Variants in HNRNPL observed in about 807,000 individuals in gnomAD.
The protein encoded by HNRNPL is heterogeneous nuclear ribonucleoprotein L.
HNRNPL carries 12 observed loss-of-function variants against 64.0 expected under a neutral mutation model. The observed-to-expected ratio is 0.19, with a 90% CI of 0.12 to 0.30. The LOEUF is 0.30. HNRNPL is among the 10% of genes least tolerant of loss of function. The pLI is 1.00. For synonymous variants in HNRNPL, 385 were observed against 313.0 expected (o/e 1.23, Z -2.43); for missense variants, 484 against 797.4 (o/e 0.61, Z 4.73).
intron 8 of HNRNPL, chr19:38,839,803 C>T: frequency 3.0e-6 from 1 of 337,908 alleles, no homozygotes; most frequent in South Asian, 3.8e-5. Flanking sequence ...GATGGTGTTT[C>T]ACTATAATGG....
chr19:38,837,188 G>A (rs949037651), intron 12 of HNRNPL, 196 bp downstream of exon 12: 9 of 596,702 alleles, frequency 1.5e-5, no homozygotes, highest in African/African-American at 1.5e-4. Flanking sequence ...AGAGTGAGTG[G>A]CAGCAGGCAG....
At chr19:38,837,334 C>G (rs775235387) in intron 12 of HNRNPL, 50 bp downstream of exon 12, 1 of 1,470,714 alleles carries the variant, frequency 6.8e-7, no homozygotes, top group African/African-American at 1.4e-5. Context: ...TGAAGCCAGC[C>G]AACCCATTAG....
At chr19:38,843,324 T>C (rs1972176075) in intron 6 of HNRNPL, 1 of 159,094 alleles carries the variant, frequency 6.3e-6, no homozygotes, top group African/African-American at 2.4e-5. Flanking sequence ...CTACAAATGA[T>C]GTGAGGCATG....
Position 38,837,497 on chromosome 19 carries a change from G to A in HNRNPL, c.1616-18C>T, listed in dbSNP as rs1971967788. On this transcript the variant is annotated intron_variant, in intron 11 of 12. Transcript: ENST00000221419. Reference sequence around the variant, plus strand: ...GCGCTCACCTGATTGCAAACCAAGGGGAAAAGTAAAGGTTTTAGACTCACC... The same window carrying A: ...GCGCTCACCTGATTGCAAACCAAGGAGAAAAGTAAAGGTTTTAGACTCACC... 3 of 1,613,790 alleles carry A rather than the reference G, an allele frequency of 1.9e-6. No homozygotes were observed. Among genetic ancestry groups the A allele is most frequent in the Non-Finnish European group, 2.5e-6 (3 of 1,179,766 alleles).
chr19:38,836,911 G>A (rs116038173), intron 12 of HNRNPL, 131 bp from the exon 13 acceptor site: 246 of 629,394 alleles, frequency 3.9e-4, no homozygotes, highest in African/African-American at 3.7e-3. Flanking sequence ...ACTGCCCAAC[G>A]TGAGGCTTCA....
intron 3 of HNRNPL, 44 bp from the exon 4 acceptor site, chr19:38,845,779 C>G: frequency 1.9e-6 from 3 of 1,599,286 alleles, no homozygotes; most frequent in Non-Finnish European, 2.6e-6. Context: ...ACTGGCAGAT[C>G]AGTCTGGCTT....
intron 10 of HNRNPL, among the ~76,000 whole-genome samples, 157 bp from the exon 11 acceptor site, chr19:38,837,808 A>G (rs1412052753): frequency 1.3e-5 from 2 of 152,252 alleles, no homozygotes; most frequent in Non-Finnish European, 2.9e-5. Flanking sequence ...TGTGTCATAA[A>G]AAGGCCAGCA....
chr19:38,839,946 C>T (rs1972054446), intron 8 of HNRNPL, 150 bp downstream of exon 8: 11 of 688,038 alleles, frequency 1.6e-5, no homozygotes, highest in Middle Eastern at 3.1e-4. Context: ...AAACAAAACC[C>T]GTCTGCAAGC....
At chr19:38,848,550 CCT>C (rs558810552) in intron 1 of HNRNPL, among the ~76,000 whole-genome samples, 183 of 152,306 alleles carry the variant, frequency 1.2e-3, no homozygotes, top group African/African-American at 4.1e-3. Context: ...GGGCCGGCCC[CCT>C]GTCTGAGAAT....
intron 12 of HNRNPL, 51 bp downstream of exon 12, chr19:38,837,333 C>A (rs1334145004): frequency 2.0e-6 from 3 of 1,464,072 alleles, no homozygotes; most frequent in Non-Finnish European, 2.9e-6. Flanking sequence ...CTGAAGCCAG[C>A]CAACCCATTA....
intron 10 of HNRNPL, 124 bp downstream of exon 10, chr19:38,838,273 C>T (rs1390941934): frequency 5.4e-6 from 4 of 735,176 alleles, no homozygotes; most frequent in East Asian, 5.4e-5. Context: ...GTGTCCCTAG[C>T]ACTCAACCCA....
At position 38,849,913 on chromosome 19, in the gene HNRNPL, C is replaced by T. The variant is rs764490784; in HGVS notation, c.54G>A (p.Gln18=). Reference sequence around the variant, plus strand: ...TCCGCTGCTCGTCCGGCTGCTGCCTCTGCTCCAGCCGCCGACGCCGCTTCT... The same window carrying T: ...TCCGCTGCTCGTCCGGCTGCTGCCTTTGCTCCAGCCGCCGACGCCGCTTCT... ...RAEKRRRRLE[Q]RQQPDEQRRR... Residue 18 remains glutamine (Q), a synonymous_variant, in exon 1 of 13, where the codon CAG becomes CAA. Transcript: ENST00000221419. 53 of 1,307,952 alleles carry T rather than the reference C, an allele frequency of 4.1e-5. No homozygotes were observed. The highest frequency in any genetic ancestry group is 5.4e-5 in the Non-Finnish European group (51 of 951,388). 81.0% of individuals were successfully genotyped at this position (1,307,952 alleles called of 1,614,324 possible). A position where few individuals can be genotyped will look rare whatever the true frequency, so the allele number is the denominator to read the frequency against.
At chr19:38,845,365 C>T in intron 4 of HNRNPL, 1 of 371,914 alleles carries the variant, frequency 2.7e-6, no homozygotes, top group Non-Finnish European at 5.0e-6. Context: ...GGGCTAAACT[C>T]CATCTCAATA....
chr19:38,845,831 A>C (rs1164138908), intron 3 of HNRNPL, 22 bp downstream of exon 3: 1 of 1,608,096 alleles, frequency 6.2e-7, no homozygotes, highest in Admixed American at 1.7e-5. Context: ...AGACCTCACA[A>C]GAAATGCCTG....
Position 38,838,574 on chromosome 19 carries a change from C to A in HNRNPL, c.1380G>T (p.Met460Ile), listed in dbSNP as rs761324026. 13 of 1,613,984 alleles carry A rather than the reference C, an allele frequency of 8.1e-6. No individual in the cohort carries two copies. The highest frequency in any genetic ancestry group is 1.1e-5 in the Non-Finnish European group (13 of 1,179,988). Residue 460 changes from methionine (M) to isoleucine (I), a missense_variant, in exon 10 of 13, where the codon ATG (methionine) becomes ATT (isoleucine). Met to Ile is a conservative substitution (Grantham distance 10). Around this residue, in one of 9 missense-constraint regions of HNRNPL, gnomAD observed 53 missense variants for 131.3 expected, o/e 0.40. Transcript: ENST00000221419. ...CTTCCAACCCGTATGACTGACCAGG[C>A]ATGATGGCTGGCTGCTTGGAGACAC... ...NVCVSKQPAI[M>I]PGQSYGLEDG... is the part of the protein sequence containing the mutation.
At chr19:38,838,696 T>C (rs1403359653) in intron 9 of HNRNPL, 98 bp from the exon 10 acceptor site, 7 of 1,366,812 alleles carry the variant, frequency 5.1e-6, no homozygotes, top group Non-Finnish European at 7.2e-6. Flanking sequence ...CTGTGTGCCT[T>C]GGGGCATTGC....
intron 1 of HNRNPL, among the ~76,000 whole-genome samples, chr19:38,848,817 C>G (rs1972393794): frequency 6.6e-6 from 1 of 152,174 alleles, no homozygotes; most frequent in African/African-American, 2.4e-5. Flanking sequence ...TAAGGATTTT[C>G]AATTAAGATG....
chr19:38,848,185 GGTTCAA>G (rs1972365942), intron 1 of HNRNPL, among the ~76,000 whole-genome samples: 1 of 152,198 alleles, frequency 6.6e-6, no homozygotes, highest in African/African-American at 2.4e-5. Flanking sequence ...CCGCCTCCCA[GGTTCAA>G]GCGATTCTCC....
intron 12 of HNRNPL, chr19:38,837,094 G>A: frequency 1.8e-6 from 1 of 549,792 alleles, no homozygotes; most frequent in Non-Finnish European, 3.2e-6. Context: ...TAACAGAGTG[G>A]CTTTCCTACC....
Sources: allele counts gnomAD v4.1 joint callset (sites outside exome capture counted in the v4.1 genomes callset), GRCh38; gene constraint gnomAD v4.1.1; regional missense constraint gnomAD v4.1.1; transcripts MANE v1.5; gene names NCBI Gene and HGNC (gene_info 2026-07-23, HGNC 2026-07-21).